The following TNIK variants were observed in gnomAD, a reference collection of about 807,000 sequenced individuals.
TNIK encodes the protein TRAF2 and NCK interacting kinase.
In TNIK, 49 loss-of-function variants were observed where a neutral mutation model predicts 191.3. That is an observed-to-expected ratio of 0.26 (90% CI 0.20 to 0.32). The LOEUF (loss-of-function observed/expected upper bound fraction) is 0.32. Among genes scored for constraint, TNIK ranks in the 10% least tolerant of loss-of-function variants. The probability of loss-of-function intolerance (pLI) is 1.00; values close to 1 mark genes in which losing one functional copy is unlikely to be tolerated. For missense variants in TNIK, 1,155 were observed against 1,702.3 expected (o/e 0.68, Z 5.66); for synonymous variants, 594 against 600.9 (o/e 0.99, Z 0.17).
chr3:171,190,724 G>T lies in TNIK; in HGVS notation c.481C>A (p.Leu161Met), dbSNP rs1482321095. Residue 161 changes from leucine (L) to methionine (M), a missense_variant, in exon 6 of 33, where the codon CTG becomes ATG. Around this residue, in one of 3 missense-constraint regions of TNIK, gnomAD observed 225 missense variants for 438.9 expected, o/e 0.51. Coordinates refer to ENST00000436636, the MANE Select transcript of TNIK (RefSeq NM_015028.4). The stretch of plus-strand genomic sequence containing the variant: ...AGTTTAACTTCTGCATTTTCAGTCA[G>T]CAAGACATTTTGCCCTTTAATATCT... ...HRDIKGQNVLLTENAEVKLVD... is the reference protein window; with the variant it reads ...HRDIKGQNVLMTENAEVKLVD... The T allele has an allele frequency of 6.3e-7, 1 of 1,595,404 alleles. No individual in the cohort carries two copies. The highest frequency in any genetic ancestry group is 8.5e-7 in the Non-Finnish European group (1 of 1,169,692).
chr3:171,325,692 C>G (rs1201678636), intron 2 of TNIK, among the ~76,000 whole-genome samples: 1 of 152,170 alleles, frequency 6.6e-6, no homozygotes, highest in Non-Finnish European at 1.5e-5. Flanking sequence ...CCAGTACAAA[C>G]AGCCAAGGTC....
intron 2 of TNIK, among the ~76,000 whole-genome samples, chr3:171,258,646 T>C (rs912337103): frequency 6.6e-6 from 1 of 152,094 alleles, no homozygotes; most frequent in African/African-American, 2.4e-5. Flanking sequence ...AAAAGGAAGC[T>C]CTTCCAAGTC....
intron 23 of TNIK, among the ~76,000 whole-genome samples, chr3:171,088,502 G>T (rs978196257): frequency 6.6e-6 from 1 of 152,154 alleles, no homozygotes; most frequent in African/African-American, 2.4e-5. Context: ...CAAAGTGCTG[G>T]GATGACACGT....
chr3:171,368,913 C>A (rs748843070), intron 2 of TNIK, among the ~76,000 whole-genome samples: 28 of 145,844 alleles, frequency 1.9e-4, no homozygotes, highest in Non-Finnish European at 3.6e-4. Context: ...AAGTTTCAGT[C>A]CAAAAACAGT....
intron 1 of TNIK, among the ~76,000 whole-genome samples, chr3:171,454,376 T>C (rs954818531): frequency 1.3e-5 from 2 of 152,120 alleles, no homozygotes; most frequent in South Asian, 2.1e-4. Flanking sequence ...AATTATAAGA[T>C]ATCAAAGAGT....
chr3:171,286,499 T>C (rs1751029173), intron 2 of TNIK, among the ~76,000 whole-genome samples: 1 of 152,130 alleles, frequency 6.6e-6, no homozygotes, highest in Admixed American at 6.5e-5. Flanking sequence ...GCTGGGTGTG[T>C]TGATGCACAC....
At chr3:171,105,349 T>A (rs564212290) in intron 21 of TNIK, among the ~76,000 whole-genome samples, 1 of 152,332 alleles carries the variant, frequency 6.6e-6, no homozygotes, top group South Asian at 2.1e-4. Flanking sequence ...CCCTCTGCTC[T>A]ATCCACAAGA....
At chr3:171,308,137 A>T (rs1017775390) in intron 2 of TNIK, among the ~76,000 whole-genome samples, 1 of 152,202 alleles carries the variant, frequency 6.6e-6, no homozygotes, top group Non-Finnish European at 1.5e-5. Flanking sequence ...AGGAAAAAGA[A>T]GCAAGCAAGA....
intron 1 of TNIK, among the ~76,000 whole-genome samples, chr3:171,382,885 A>G (rs1030930074): frequency 9.2e-5 from 14 of 152,178 alleles, no homozygotes; most frequent in African/African-American, 2.9e-4. Flanking sequence ...AGAAAAGACC[A>G]GAAACTGATG....
chr3:171,289,901 CAAAA>C (rs143704401), intron 2 of TNIK, among the ~76,000 whole-genome samples: 2,568 of 77,856 alleles, frequency 0.033, 67 homozygotes, highest in African/African-American at 0.1. Context: ...GACTCCGTCT[CAAAA>C]AAAAAAAAAA....
chr3:171,239,499 G>GA (rs1218273143), intron 2 of TNIK, among the ~76,000 whole-genome samples: 1 of 152,168 alleles, frequency 6.6e-6, no homozygotes, highest in Non-Finnish European at 1.5e-5. Context: ...GATGGTCAAA[G>GA]AATAACATCC....
intron 22 of TNIK, among the ~76,000 whole-genome samples, chr3:171,096,368 T>C (rs550838837): frequency 6.6e-6 from 1 of 152,072 alleles, no homozygotes; most frequent in East Asian, 1.9e-4. Flanking sequence ...TCCGAATCAC[T>C]CTTCTACTTT....
intron 4 of TNIK, among the ~76,000 whole-genome samples, chr3:171,201,259 C>T (rs1300403623): frequency 1.3e-5 from 2 of 151,974 alleles, no homozygotes; most frequent in Admixed American, 6.6e-5. Flanking sequence ...ATTAGGCAGG[C>T]GTGGTGGTGC....
rs145550186 is a variant in TNIK, at chr3:171,320,155, T to C, written c.123+49465A>G. Among the ~76,000 whole-genome samples the C allele has an allele frequency of 1.5e-3, 235 of 152,328 alleles. 1 individual carries two copies. Among genetic ancestry groups the C allele is most frequent in the African/African-American group, 5.4e-3 (225 of 41,576 alleles). ...GAAAGGGGGTCCTCCATGGTTCTTC[T>C]GGACCCTTCCACGTTGGCCTATTAT... is the stretch of plus-strand genomic sequence containing the variant. On this transcript the variant is annotated intron_variant, in intron 2 of 32. Transcript: ENST00000436636.
At chr3:171,189,135 T>G (rs1464789636) in intron 6 of TNIK, among the ~76,000 whole-genome samples, 5 of 152,212 alleles carry the variant, frequency 3.3e-5, no homozygotes, top group Admixed American at 2.6e-4. Context: ...TCTATAAATT[T>G]GACTATTCTC....
chr3:171,220,251 G>A (rs992856775), intron 3 of TNIK, among the ~76,000 whole-genome samples: 6 of 152,194 alleles, frequency 3.9e-5, no homozygotes, highest in African/African-American at 9.6e-5. Context: ...GTGGGGTGGC[G>A]GGCAAGGGGA....
At chr3:171,289,752 A>G (rs1751464914) in intron 2 of TNIK, among the ~76,000 whole-genome samples, 1 of 152,068 alleles carries the variant, frequency 6.6e-6, no homozygotes, top group African/African-American at 2.4e-5. Flanking sequence ...AAATATGAAA[A>G]TTAGCCAGGA....
At chr3:171,400,764 A>T (rs1384025709) in intron 1 of TNIK, among the ~76,000 whole-genome samples, 1 of 152,146 alleles carries the variant, frequency 6.6e-6, no homozygotes, top group Non-Finnish European at 1.5e-5. Context: ...CTAGGAGTGG[A>T]TGGTGTCACA....
chr3:171,217,384 C>T (rs1316082728), intron 3 of TNIK, among the ~76,000 whole-genome samples: 10 of 152,038 alleles, frequency 6.6e-5, no homozygotes, highest in Non-Finnish European at 1.2e-4. Flanking sequence ...ACAATAGACA[C>T]TGGGACTACT....
Sources: gnomAD v4.1 joint callset for allele counts (sites outside exome capture counted in the v4.1 genomes callset) on GRCh38, gnomAD v4.1.1 for gene constraint, gnomAD v4.1.1 regional missense constraint, MANE v1.5 for transcripts, NCBI Gene and HGNC (gene_info 2026-07-23, HGNC 2026-07-21) for gene names.